The following SLCO4C1 variants were observed in gnomAD, a reference collection of about 807,000 sequenced individuals.
SLCO4C1 encodes the protein solute carrier organic anion transporter family member 4C1.
Under a neutral mutation model 72.1 loss-of-function variants are expected in SLCO4C1, and 58 were observed. The ratio of observed to expected loss-of-function variants is 0.80; its 90% CI spans 0.65 to 1.00. The LOEUF is 1.00. SLCO4C1 is among the 50% of genes least tolerant of loss of function. The probability of loss-of-function intolerance (pLI) is 0.00; values close to 1 mark genes in which losing one functional copy is unlikely to be tolerated. For missense variants in SLCO4C1, 898 were observed against 857.9 expected, an observed-to-expected ratio of 1.05 and a Z score of -0.58; for synonymous variants, 297 against 312.5, an observed-to-expected ratio of 0.95 and a Z score of 0.52.
Position 102,295,900 on chromosome 5 carries a change from G to T in SLCO4C1, c.355+8C>A. 1 of 1,609,860 alleles carries T rather than the reference G, an allele frequency of 6.2e-7. No individual in the cohort carries two copies. The highest frequency in any genetic ancestry group is 8.5e-7 in the Non-Finnish European group (1 of 1,176,922). On this transcript the variant is annotated splice_region_variant and intron_variant, in intron 1 of 12. Coordinates refer to ENST00000310954, the MANE Select transcript of SLCO4C1 (RefSeq NM_180991.5). The stretch of plus-strand genomic sequence containing the variant: ...TGGCCCGAGCCTCAAGCGGGCGCTG[G>T]ACTTTACCTTGCGTGACGGCCAAGA...
chr5:102,251,691 A>G (rs1306297014), intron 8 of SLCO4C1, among the ~76,000 whole-genome samples: 2 of 152,174 alleles, frequency 1.3e-5, no homozygotes, highest in East Asian at 1.9e-4. Context: ...AAGTAATAAG[A>G]TTAAGAGTAT....
chr5:102,240,982 T>C (rs1580236670), intron 10 of SLCO4C1, among the ~76,000 whole-genome samples, 200 bp from the exon 11 acceptor site: 1 of 152,112 alleles, frequency 6.6e-6, no homozygotes, highest in Admixed American at 6.5e-5. Flanking sequence ...TGACCTAAAA[T>C]ATTGCAAATA....
chr5:102,296,096 T>C lies in SLCO4C1; in HGVS notation c.167A>G (p.Gln56Arg). Residue 56 changes from glutamine to arginine, a missense_variant, in exon 1 of 13, where the codon CAG (glutamine) becomes CGG (arginine). By Grantham distance (43) the Gln-to-Arg change is conservative. Transcript: ENST00000310954. Reference protein sequence around the residue: ...PQELQKPQEPQKSPEPSLPSA... With the variant: ...PQELQKPQEPRKSPEPSLPSA... ...AGGCAGAGATGGCTCTGGTGACTTCTGGGGCTCCTGGGGCTTCTGAAGCTC... is the reference window on the plus strand; with the variant it reads ...AGGCAGAGATGGCTCTGGTGACTTCCGGGGCTCCTGGGGCTTCTGAAGCTC... 6.2e-7 allele frequency: 1 copy of C among 1,614,090 alleles called. No homozygotes were observed. Among genetic ancestry groups the C allele is most frequent in the South Asian group, 1.1e-5 (1 of 91,076 alleles).
chr5:102,290,760 T>C (rs1315646280), intron 2 of SLCO4C1, among the ~76,000 whole-genome samples: 1 of 152,226 alleles, frequency 6.6e-6, no homozygotes, highest in Non-Finnish European at 1.5e-5. Context: ...ATTTGTTTTT[T>C]TATTAAAAAT....
chr5:102,292,716 T>C (rs528200914), intron 1 of SLCO4C1, among the ~76,000 whole-genome samples: 2 of 152,278 alleles, frequency 1.3e-5, no homozygotes, highest in South Asian at 2.1e-4. Flanking sequence ...TCTGAAAATT[T>C]TGACTTACTT....
chr5:102,260,367 A>AGT, intron 5 of SLCO4C1, 48 bp from the exon 6 acceptor site: 1 of 221,786 alleles, frequency 4.5e-6, no homozygotes. Context: ...TTATACATAT[A>AGT]ATATATTATA....
chr5:102,278,595 A>C (rs1234404468), intron 2 of SLCO4C1, among the ~76,000 whole-genome samples: 1 of 152,186 alleles, frequency 6.6e-6, no homozygotes, highest in African/African-American at 2.4e-5. Context: ...GCCATAGAGT[A>C]AACCTTAATA....
At chr5:102,281,326 G>C (rs80150980) in intron 2 of SLCO4C1, among the ~76,000 whole-genome samples, 8,652 of 152,038 alleles carry the variant, frequency 0.057, 358 homozygotes, top group African/African-American at 0.12. Context: ...ATGTAAAATA[G>C]AAAACTATAA....
chr5:102,247,945 G>C (rs550049311), intron 9 of SLCO4C1, among the ~76,000 whole-genome samples: 2 of 103,582 alleles, frequency 1.9e-5, no homozygotes, highest in Non-Finnish European at 3.8e-5. Context: ...TTTTTTTGGT[G>C]CTAAAGCCAT....
intron 3 of SLCO4C1, among the ~76,000 whole-genome samples, chr5:102,269,736 C>T (rs182382213): frequency 6.6e-6 from 1 of 152,202 alleles, no homozygotes; most frequent in East Asian, 1.9e-4. Context: ...GTATGTCTTT[C>T]AAAGTGCCAT....
chr5:102,256,158 T>C (rs569961245), intron 8 of SLCO4C1, among the ~76,000 whole-genome samples: 5 of 152,060 alleles, frequency 3.3e-5, no homozygotes, highest in Non-Finnish European at 7.4e-5. Flanking sequence ...GAGCCAAGAC[T>C]GTGCCACTGC....
At chr5:102,278,012 A>G (rs1749280208) in intron 2 of SLCO4C1, among the ~76,000 whole-genome samples, 1 of 152,182 alleles carries the variant, frequency 6.6e-6, no homozygotes, top group Non-Finnish European at 1.5e-5. Flanking sequence ...AAACTTTAAC[A>G]TACTAGTATT....
Position 102,270,743 on chromosome 5 carries a change from T to C in SLCO4C1, c.683A>G (p.Tyr228Cys). 3 of 1,612,960 alleles carry C rather than the reference T, an allele frequency of 1.9e-6. No homozygotes were observed. The highest frequency in any genetic ancestry group is 2.5e-6 in the Non-Finnish European group (3 of 1,179,386). ...TTGTCCCAAGATGAAGACATACAAG[T>C]AGTTAGAAAGTGAAGAAGTTGAAGA... is the stretch of plus-strand genomic sequence containing the variant. ...CTSSTSSLSNYLYVFILGQLL... is the reference protein window; with the variant it reads ...CTSSTSSLSNCLYVFILGQLL... The change falls in exon 3 of 13, where the codon TAC (tyrosine) becomes TGC (cysteine). Residue 228 changes from tyrosine (Y) to cysteine (C), a missense_variant. Coordinates refer to ENST00000310954, the MANE Select transcript of SLCO4C1 (RefSeq NM_180991.5).
intron 3 of SLCO4C1, among the ~76,000 whole-genome samples, chr5:102,267,583 GTTT>G (rs543701401): frequency 7.5e-6 from 1 of 132,656 alleles, no homozygotes; most frequent in Non-Finnish European, 1.6e-5. Context: ...ATCTTCTGTA[GTTT>G]TTTTTTTTTT....
chr5:102,278,159 G>A (rs73774615), intron 2 of SLCO4C1, among the ~76,000 whole-genome samples: 3,779 of 152,096 alleles, frequency 0.025, 157 homozygotes, highest in African/African-American at 0.086. Context: ...TTTAAAGATT[G>A]GGGGAAAAAA....
At chr5:102,282,154 A>G (rs1375673911) in intron 2 of SLCO4C1, among the ~76,000 whole-genome samples, 1 of 152,100 alleles carries the variant, frequency 6.6e-6, no homozygotes, top group Admixed American at 6.6e-5. Context: ...CAATTCCAAA[A>G]TATTATATAC....
At chr5:102,279,868 A>G (rs80241995) in intron 2 of SLCO4C1, among the ~76,000 whole-genome samples, 3,255 of 152,106 alleles carry the variant, frequency 0.021, 120 homozygotes, top group African/African-American at 0.075. Context: ...TTGATGCAGA[A>G]CAAGTGTTTG....
intron 8 of SLCO4C1, among the ~76,000 whole-genome samples, chr5:102,256,194 ACTCT>A (rs1360338500): frequency 2.0e-5 from 3 of 152,124 alleles, no homozygotes; most frequent in Admixed American, 6.5e-5. Flanking sequence ...ACAGAGCAAG[ACTCT>A]CTGTCTAAAA....
intron 3 of SLCO4C1, among the ~76,000 whole-genome samples, chr5:102,266,921 T>C (rs1749051883): frequency 1.3e-5 from 2 of 152,222 alleles, no homozygotes; most frequent in South Asian, 4.1e-4. Flanking sequence ...TTATGTGATG[T>C]ATCATATTTA....
Sources: gnomAD v4.1 joint callset for allele counts (sites outside exome capture counted in the v4.1 genomes callset) on GRCh38, gnomAD v4.1.1 for gene constraint, MANE v1.5 for transcripts, NCBI Gene and HGNC (gene_info 2026-07-23, HGNC 2026-07-21) for gene names.